FAM151B: variants seen among roughly 807,000 people sequenced by gnomAD.
FAM151B encodes family with sequence similarity 151 member B.
FAM151B carries 24 observed loss-of-function variants against 31.2 expected under a neutral mutation model. That is an observed-to-expected ratio of 0.77 (90% CI 0.56 to 1.08). FAM151B has a LOEUF of 1.08. FAM151B is among the 50% of genes least tolerant of loss of function. FAM151B has a pLI of 0.00. For missense variants in FAM151B, 293 were observed against 328.6 expected (o/e 0.89, Z 0.84); for synonymous variants, 105 against 111.4 (o/e 0.94, Z 0.36).
At chr5:80,510,641 G>T (rs149015014) in intron 2 of FAM151B, 1 of 152,334 alleles carries the variant, frequency 6.6e-6, no homozygotes, top group East Asian at 1.9e-4. Context: ...GATAGATTTA[G>T]AATTAGGTGC....
At chr5:80,501,049 T>C (rs542062404) in intron 1 of FAM151B, 191 of 470,628 alleles carry the variant, frequency 4.1e-4, no homozygotes, top group Non-Finnish European at 6.5e-4. Context: ...AGTCTCACTC[T>C]GTCACCCAGG....
chr5:80,532,658 G>T (rs1377524590), intron 5 of FAM151B, among the ~76,000 whole-genome samples: 1 of 152,128 alleles, frequency 6.6e-6, no homozygotes, highest in East Asian at 1.9e-4. Flanking sequence ...GCATCTAACA[G>T]ATATTTACAG....
At chr5:80,537,992 T>A (rs1316593792) in intron 5 of FAM151B, among the ~76,000 whole-genome samples, 2 of 152,104 alleles carry the variant, frequency 1.3e-5, no homozygotes, top group Non-Finnish European at 1.5e-5. Context: ...CTACAATTGT[T>A]AGTTTCTTTA....
chr5:80,535,834 A>T (rs1745475830), intron 5 of FAM151B, among the ~76,000 whole-genome samples: 1 of 152,196 alleles, frequency 6.6e-6, no homozygotes, highest in East Asian at 1.9e-4. Context: ...TTTGCAAACT[A>T]CCCATCTAAC....
At chr5:80,514,851 A>G (rs1038769270) in intron 3 of FAM151B, among the ~76,000 whole-genome samples, 1 of 152,192 alleles carries the variant, frequency 6.6e-6, no homozygotes, top group Non-Finnish European at 1.5e-5. Context: ...AAACCTTATT[A>G]TACCGTTAGT....
At chr5:80,538,541 C>CTTTCTTTTCT (rs1456812953) in intron 5 of FAM151B, among the ~76,000 whole-genome samples, 1 of 128,880 alleles carries the variant, frequency 7.8e-6, no homozygotes, top group African/African-American at 3.1e-5. Flanking sequence ...TCCTTCCTTC[C>CTTTCTTTTCT]TTCCTTCCTT....
chr5:80,496,925 C>G (rs1470420502), intron 1 of FAM151B, among the ~76,000 whole-genome samples: 1 of 149,364 alleles, frequency 6.7e-6, no homozygotes, highest in African/African-American at 2.5e-5. Flanking sequence ...ATTTCCCTGC[C>G]TCAGACTCCT....
chr5:80,502,008 G>A (rs1743768630), intron 2 of FAM151B, 91 bp downstream of exon 2: 2 of 975,774 alleles, frequency 2.0e-6, no homozygotes, highest in African/African-American at 1.7e-5. Flanking sequence ...AGATACTAGA[G>A]ACAGGTGATC....
intron 1 of FAM151B, among the ~76,000 whole-genome samples, chr5:80,489,847 C>G (rs968408150): frequency 5.3e-5 from 8 of 151,160 alleles, no homozygotes; most frequent in African/African-American, 1.9e-4. Context: ...TGGCGTGAAC[C>G]CGGGAGGCGG....
intron 5 of FAM151B, among the ~76,000 whole-genome samples, chr5:80,524,262 C>T (rs145368047): frequency 0.013 from 1,914 of 151,974 alleles, 51 homozygotes; most frequent in African/African-American, 0.044. Flanking sequence ...AGAATTCAGC[C>T]CAGCCTATAT....
chr5:80,538,434 T>C (rs1205898560), intron 5 of FAM151B, among the ~76,000 whole-genome samples: 47 of 57,536 alleles, frequency 8.2e-4, no homozygotes, highest in East Asian at 3.1e-3. Flanking sequence ...CTTTCTTTCT[T>C]TCTTTCTTTC....
intron 1 of FAM151B, among the ~76,000 whole-genome samples, chr5:80,489,953 A>G (rs1055635743): frequency 6.0e-5 from 9 of 151,258 alleles, no homozygotes; most frequent in Non-Finnish European, 1.3e-4. Context: ...ATTTCTTCTC[A>G]TTACCGAGTT....
chr5:80,499,570 A>G (rs1045250310), intron 1 of FAM151B, among the ~76,000 whole-genome samples: 1 of 152,062 alleles, frequency 6.6e-6, no homozygotes, highest in Non-Finnish European at 1.5e-5. Flanking sequence ...GCTTTACATC[A>G]GTTTTCCTTA....
At chr5:80,494,470 T>TC (rs1302098520) in intron 1 of FAM151B, among the ~76,000 whole-genome samples, 2 of 93,538 alleles carry the variant, frequency 2.1e-5, no homozygotes, top group African/African-American at 7.4e-5. Flanking sequence ...CTTTCTTTCT[T>TC]TCTTTCTTTC....
chr5:80,497,228 A>G (rs144203421), intron 1 of FAM151B, among the ~76,000 whole-genome samples: 1 of 152,108 alleles, frequency 6.6e-6, no homozygotes, highest in Non-Finnish European at 1.5e-5. Context: ...GAGTTTGAGA[A>G]CAACCTGGCC....
At chr5:80,489,555 G>C (rs1207614728) in intron 1 of FAM151B, among the ~76,000 whole-genome samples, 8 of 152,138 alleles carry the variant, frequency 5.3e-5, no homozygotes, top group African/African-American at 1.7e-4. Flanking sequence ...ATCGATGCAA[G>C]GTTTACAAAA....
At position 80,538,452 on chromosome 5, in the gene FAM151B, T is replaced by TTCTTTCTTTCTTTC. The variant is rs1561383581; in HGVS notation, c.672-3219_672-3206dup. Reference sequence around the variant, plus strand: ...TCTTTCTTTCTTTCTTTCTTTCTCTTTCTTTCTTTCTTTCTTTCTTTCTTT... The same window carrying TTCTTTCTTTCTTTC: ...TCTTTCTTTCTTTCTTTCTTTCTCTTTCTTTCTTTCTTTCTCTTTCTTTCTTTCTTTCTTTCTTT... On this transcript the variant is annotated intron_variant, in intron 5 of 5. Coordinates refer to ENST00000282226, the MANE Select transcript of FAM151B (RefSeq NM_205548.3). 1.2e-4 allele frequency among the ~76,000 whole-genome samples: 6 copies of TTCTTTCTTTCTTTC among 49,542 alleles called. 1 individual carries two copies. The highest frequency in any genetic ancestry group is 1.3e-4 in the Non-Finnish European group (3 of 23,928). The allele number at this position is 49,542 out of a possible 152,430, so 32.5% of individuals were successfully genotyped here. A position where few individuals can be genotyped will look rare whatever the true frequency, so the allele number is the denominator to read the frequency against.
intron 1 of FAM151B, chr5:80,500,331 C>T: frequency 1.2e-6 from 1 of 863,516 alleles, no homozygotes; most frequent in Non-Finnish European, 1.9e-6. Context: ...CCGGCTGGAA[C>T]CATGGAGGGT....
intron 5 of FAM151B, among the ~76,000 whole-genome samples, chr5:80,525,776 T>G (rs574861301): frequency 6.6e-6 from 1 of 152,268 alleles, no homozygotes; most frequent in East Asian, 1.9e-4. Context: ...CTTTGCTTAA[T>G]GCTGCCTTTT....
Sources: allele counts gnomAD v4.1 joint callset (sites outside exome capture counted in the v4.1 genomes callset), GRCh38; gene constraint gnomAD v4.1.1; transcripts MANE v1.5; gene names NCBI Gene and HGNC (gene_info 2026-07-23, HGNC 2026-07-21).